Variants in MICU1 observed in about 807,000 individuals in gnomAD.
The protein encoded by MICU1 is calcium uptake protein 1, mitochondrial.
Under a neutral mutation model 56.8 loss-of-function variants are expected in MICU1, and 45 were observed. The ratio of observed to expected loss-of-function variants is 0.79; its 90% CI spans 0.62 to 1.02. The LOEUF (loss-of-function observed/expected upper bound fraction) is 1.02. Ranked by LOEUF, MICU1 falls within the 50% of genes least tolerant of loss-of-function variation. The pLI is 0.00. For missense variants in MICU1, 504 were observed against 587.1 expected, an observed-to-expected ratio of 0.86 and a Z score of 1.46; for synonymous variants, 186 against 195.1, an observed-to-expected ratio of 0.95 and a Z score of 0.39.
At chr10:72,385,879 G>A (rs117610137) in intron 10 of MICU1, among the ~76,000 whole-genome samples, 137 of 152,356 alleles carry the variant, frequency 9.0e-4, no homozygotes, top group Non-Finnish European at 1.6e-3. Context: ...CTCTGAAGAA[G>A]TGAGTTGCCA....
At chr10:72,379,884 C>A (rs1288548847) in intron 10 of MICU1, among the ~76,000 whole-genome samples, 1 of 152,094 alleles carries the variant, frequency 6.6e-6, no homozygotes, top group Non-Finnish European at 1.5e-5. Context: ...GCTGGGGTCC[C>A]CTTTCCTGGT....
intron 10 of MICU1, among the ~76,000 whole-genome samples, chr10:72,383,428 C>T (rs1164167507): frequency 6.6e-6 from 1 of 152,128 alleles, no homozygotes; most frequent in East Asian, 1.9e-4. Context: ...CAAATATGTA[C>T]TCTTCGCTTC....
At chr10:72,526,373 T>C (rs1867962257) in intron 5 of MICU1, among the ~76,000 whole-genome samples, 1 of 152,152 alleles carries the variant, frequency 6.6e-6, no homozygotes, top group Non-Finnish European at 1.5e-5. Flanking sequence ...CTTGGCTCAC[T>C]GCACCTCCGC....
intron 10 of MICU1, among the ~76,000 whole-genome samples, chr10:72,393,921 A>G (rs1863162143): frequency 6.6e-6 from 1 of 152,048 alleles, no homozygotes; most frequent in African/African-American, 2.4e-5. Flanking sequence ...GCCCGCTGCC[A>G]CTGCACCCGG....
chr10:72,406,092 G>A (rs550301752), intron 10 of MICU1, among the ~76,000 whole-genome samples: 170 of 151,902 alleles, frequency 1.1e-3, no homozygotes, highest in African/African-American at 3.9e-3. Flanking sequence ...AGAAAAACCT[G>A]AGGAATCTAC....
chr10:72,407,034 T>C (rs1016642259), intron 10 of MICU1, among the ~76,000 whole-genome samples: 7 of 152,186 alleles, frequency 4.6e-5, no homozygotes, highest in Non-Finnish European at 1.0e-4. Context: ...GAGTGTACAT[T>C]TATATAATTC....
intron 5 of MICU1, among the ~76,000 whole-genome samples, chr10:72,518,737 C>T (rs1209490912): frequency 6.6e-6 from 1 of 152,120 alleles, no homozygotes; most frequent in African/African-American, 2.4e-5. Flanking sequence ...GGCTGAAGTG[C>T]AGTGGAATGA....
intron 1 of MICU1, among the ~76,000 whole-genome samples, chr10:72,622,330 C>T (rs1319457865): frequency 6.6e-6 from 1 of 152,016 alleles, no homozygotes; most frequent in Admixed American, 6.6e-5. Context: ...GAAAGCATCA[C>T]CTCAATTTTT....
At chr10:72,396,031 C>T (rs534995586) in intron 10 of MICU1, among the ~76,000 whole-genome samples, 77 of 152,232 alleles carry the variant, frequency 5.1e-4, no homozygotes, top group African/African-American at 1.7e-3. Flanking sequence ...CAGTAGGGGC[C>T]GACAGACACC....
At chr10:72,567,343 A>G (rs73282738) in intron 1 of MICU1, among the ~76,000 whole-genome samples, 5,600 of 152,254 alleles carry the variant, frequency 0.037, 357 homozygotes, top group African/African-American at 0.13. Context: ...AAATAAATAA[A>G]AAATAAAAAA....
chr10:72,528,964 A>G (rs1839399411), intron 5 of MICU1, among the ~76,000 whole-genome samples: 1 of 152,210 alleles, frequency 6.6e-6, no homozygotes, highest in African/African-American at 2.4e-5. Context: ...TAGTAATATT[A>G]AAGCTTTGAT....
chr10:72,403,338 A>G (rs1430657363), intron 10 of MICU1, among the ~76,000 whole-genome samples: 3 of 151,986 alleles, frequency 2.0e-5, no homozygotes, highest in Non-Finnish European at 4.4e-5. Flanking sequence ...AGCCTTGGCG[A>G]GAGAGAAACT....
At chr10:72,540,267 C>CAAAAAA (rs11287541) in intron 4 of MICU1, among the ~76,000 whole-genome samples, 26 of 85,376 alleles carry the variant, frequency 3.0e-4, no homozygotes, top group Non-Finnish European at 4.3e-4. Context: ...AACTCCATCT[C>CAAAAAA]AAAAAAAAAA....
At chr10:72,609,813 A>C (rs1290239955) in intron 1 of MICU1, among the ~76,000 whole-genome samples, 1 of 151,288 alleles carries the variant, frequency 6.6e-6, no homozygotes, top group Non-Finnish European at 1.5e-5. Context: ...AGGTGGGTGG[A>C]TCACGAGGTC....
intron 8 of MICU1, among the ~76,000 whole-genome samples, chr10:72,448,899 G>A (rs1589230663): frequency 6.6e-6 from 1 of 152,158 alleles, no homozygotes; most frequent in South Asian, 2.1e-4. Flanking sequence ...TATAAGTTTA[G>A]CTGTCCCTTG....
intron 1 of MICU1, among the ~76,000 whole-genome samples, chr10:72,610,395 A>T (rs1006002156): frequency 6.6e-6 from 1 of 152,172 alleles, no homozygotes; most frequent in Non-Finnish European, 1.5e-5. Flanking sequence ...GAGATTTAAA[A>T]TTTTAAGAGA....
At chr10:72,622,780 C>G (rs1295059985) in intron 1 of MICU1, among the ~76,000 whole-genome samples, 1 of 152,068 alleles carries the variant, frequency 6.6e-6, no homozygotes, top group Non-Finnish European at 1.5e-5. Context: ...CATATTACTT[C>G]AATAATAGGA....
chr10:72,532,863 C>T (rs1286384609), intron 5 of MICU1: 23 of 1,143,948 alleles, frequency 2.0e-5, no homozygotes, highest in Non-Finnish European at 2.5e-5. Flanking sequence ...TATAAAAGAG[C>T]TCAACACTTA....
chr10:72,397,219 A>G (rs1029886427), intron 10 of MICU1, among the ~76,000 whole-genome samples: 1 of 152,206 alleles, frequency 6.6e-6, no homozygotes, highest in African/African-American at 2.4e-5. Flanking sequence ...ATCCTTTACA[A>G]ACAAGCAAAT....
Sources: gnomAD v4.1 joint callset for allele counts (sites outside exome capture counted in the v4.1 genomes callset) on GRCh38, gnomAD v4.1.1 for gene constraint, MANE v1.5 for transcripts, NCBI Gene and HGNC (gene_info 2026-07-23, HGNC 2026-07-21) for gene names.